CLYBL: variants seen among roughly 807,000 people sequenced by gnomAD.
CLYBL encodes the protein citramalyl-CoA lyase.
In CLYBL, 31 loss-of-function variants were observed where a neutral mutation model predicts 38.9. The observed-to-expected ratio is 0.80, with a 90% CI of 0.60 to 1.08. The LOEUF (loss-of-function observed/expected upper bound fraction) is 1.08, where lower values mean the gene tolerates loss of function less well. Ranked by LOEUF, CLYBL falls within the 50% of genes least tolerant of loss-of-function variation. The pLI, the probability that CLYBL is intolerant of heterozygous loss-of-function variation, is 0.00. For missense variants in CLYBL, 434 were observed against 411.6 expected (o/e 1.05, Z -0.47); for synonymous variants, 171 against 158.6 (o/e 1.08, Z -0.59).
chr13:99,667,433 CTTTTTTT>C (rs369360327), intron 1 of CLYBL, among the ~76,000 whole-genome samples: 10 of 127,790 alleles, frequency 7.8e-5, no homozygotes, highest in South Asian at 2.6e-4. Context: ...AAGAATCTTG[CTTTTTTT>C]TTTTTTTTTT....
intron 1 of CLYBL, among the ~76,000 whole-genome samples, chr13:99,660,578 C>G (rs778345887): frequency 2.6e-5 from 4 of 152,198 alleles, no homozygotes; most frequent in Non-Finnish European, 5.9e-5. Flanking sequence ...CGAATAGTCT[C>G]TCTAGTCTTT....
At chr13:99,734,222 C>T (rs2048632985) in intron 1 of CLYBL, among the ~76,000 whole-genome samples, 1 of 152,074 alleles carries the variant, frequency 6.6e-6, no homozygotes, top group Non-Finnish European at 1.5e-5. Flanking sequence ...CTTCCCCTCC[C>T]CTGTGATCAC....
chr13:99,650,543 A>T (rs893493267), intron 1 of CLYBL, among the ~76,000 whole-genome samples: 2 of 152,192 alleles, frequency 1.3e-5, no homozygotes, highest in Admixed American at 1.3e-4. Context: ...ACTGGCAGCA[A>T]CTTGAGTTTT....
At chr13:99,908,386 A>C (rs916788768) in exon 10 of CLYBL, among the ~76,000 whole-genome samples, 7 of 152,348 alleles carry the variant, frequency 4.6e-5, no homozygotes, top group African/African-American at 1.7e-4. Context: ...CCTTCAAAGA[A>C]AGACCAGAAG....
chr13:99,867,680 C>A (rs961659476), intron 6 of CLYBL, among the ~76,000 whole-genome samples: 6 of 151,890 alleles, frequency 4.0e-5, no homozygotes, highest in African/African-American at 1.2e-4. Flanking sequence ...TAGGATGTGA[C>A]CCAAATGGAA....
intron 1 of CLYBL, among the ~76,000 whole-genome samples, chr13:99,769,363 A>G (rs1330716519): frequency 3.9e-5 from 6 of 152,150 alleles, no homozygotes; most frequent in Admixed American, 3.9e-4. Flanking sequence ...TTGCTAATGC[A>G]GTTGTCTGGG....
At chr13:99,671,558 TC>T (rs1424519841) in intron 1 of CLYBL, among the ~76,000 whole-genome samples, 1 of 152,142 alleles carries the variant, frequency 6.6e-6, no homozygotes, top group Non-Finnish European at 1.5e-5. Flanking sequence ...GGTGGGCAGA[TC>T]ACTTGAGGTC....
At chr13:99,615,111 A>C (rs1172341503) in intron 1 of CLYBL, among the ~76,000 whole-genome samples, 1 of 152,222 alleles carries the variant, frequency 6.6e-6, no homozygotes, top group Non-Finnish European at 1.5e-5. Flanking sequence ...GCTGTGGGTG[A>C]GCCTGTGCCA....
chr13:99,676,115 C>T (rs1458556999), intron 1 of CLYBL, among the ~76,000 whole-genome samples: 1 of 152,194 alleles, frequency 6.6e-6, no homozygotes, highest in African/African-American at 2.4e-5. Flanking sequence ...CTCGGCCTCC[C>T]ATGGTGCTGG....
At chr13:99,680,683 T>G (rs2047722011) in intron 1 of CLYBL, among the ~76,000 whole-genome samples, 1 of 152,232 alleles carries the variant, frequency 6.6e-6, no homozygotes, top group Admixed American at 6.5e-5. Flanking sequence ...GGATTCTGAG[T>G]GTATTCCCTG....
chr13:99,886,075 A>G (rs746104436), intron 7 of CLYBL, among the ~76,000 whole-genome samples: 54 of 152,186 alleles, frequency 3.5e-4, no homozygotes, highest in Non-Finnish European at 6.6e-4. Context: ...TGATACCCCA[A>G]AAAAGGACTC....
intron 2 of CLYBL, among the ~76,000 whole-genome samples, chr13:99,812,435 G>T (rs2050361380): frequency 6.6e-6 from 1 of 152,188 alleles, no homozygotes; most frequent in Non-Finnish European, 1.5e-5. Context: ...AATGGAGACA[G>T]CCTGCAGTGA....
intron 2 of CLYBL, among the ~76,000 whole-genome samples, chr13:99,843,729 G>A (rs749686058): frequency 7.3e-5 from 11 of 151,246 alleles, no homozygotes; most frequent in Non-Finnish European, 1.0e-4. Flanking sequence ...AGCCTCCCAC[G>A]TAGCTGAGAT....
intron 1 of CLYBL, among the ~76,000 whole-genome samples, chr13:99,736,096 G>A (rs2048663872): frequency 7.4e-6 from 1 of 135,248 alleles, no homozygotes; most frequent in African/African-American, 2.8e-5. Context: ...CCAGGCTGGA[G>A]TGCAGTAGCG....
chr13:99,907,940 C>T (rs2052713164), intron 9 of CLYBL, among the ~76,000 whole-genome samples: 1 of 152,218 alleles, frequency 6.6e-6, no homozygotes, highest in Admixed American at 6.5e-5. Context: ...CTCCTCCTGA[C>T]TGCACCCCAT....
intron 2 of CLYBL, among the ~76,000 whole-genome samples, chr13:99,840,750 CAAAAAAAAAAA>C (rs59274056): frequency 2.0e-3 from 33 of 16,812 alleles, no homozygotes; most frequent in Non-Finnish European, 3.2e-3. Flanking sequence ...ACCCTTGTCT[CAAAAAAAAAAA>C]AAAAAAAAAA....
chr13:99,672,553 C>T (rs1323548012), intron 1 of CLYBL, among the ~76,000 whole-genome samples: 1 of 151,638 alleles, frequency 6.6e-6, no homozygotes, highest in Non-Finnish European at 1.5e-5. Flanking sequence ...GCAAGTGGAT[C>T]GCTTGAGCCC....
At chr13:99,628,259 T>C (rs1173959011) in intron 1 of CLYBL, among the ~76,000 whole-genome samples, 1 of 152,140 alleles carries the variant, frequency 6.6e-6, no homozygotes, top group Non-Finnish European at 1.5e-5. Flanking sequence ...ATAGAGAGGA[T>C]CAGTGGCCTA....
chr13:99,741,563 G>A lies in CLYBL; in HGVS notation c.63-31261G>A, dbSNP rs139691231. ...TATGTATCTTTTTTTTGGGGGGTGG[G>A]GGTCGGGGGACGGAGTCCCACTCCG... On this transcript the variant is annotated intron_variant, in intron 1 of 8. Coordinates refer to ENST00000339105, the MANE Select transcript of CLYBL (RefSeq NM_206808.5). Among the ~76,000 whole-genome samples, 305 of 151,990 alleles carry A rather than the reference G, an allele frequency of 2.0e-3. 1 individual carries two copies. The highest frequency in any genetic ancestry group is 7.0e-3 in the African/African-American group (289 of 41,548).
Sources: gnomAD v4.1 joint callset for allele counts (sites outside exome capture counted in the v4.1 genomes callset) on GRCh38, gnomAD v4.1.1 for gene constraint, MANE v1.5 for transcripts, NCBI Gene and HGNC (gene_info 2026-07-23, HGNC 2026-07-21) for gene names.